WFDC1: variants seen among roughly 807,000 people sequenced by gnomAD.
WFDC1 encodes the protein WAP four-disulfide core domain 1.
WFDC1 carries 39 observed loss-of-function variants against 32.9 expected under a neutral mutation model. The observed-to-expected ratio is 1.19, with a 90% CI of 0.92 to 1.55. WFDC1 has a LOEUF of 1.55. WFDC1 is among the 40% of genes most tolerant of loss of function. The pLI is 0.00. For missense variants in WFDC1, 386 were observed against 309.5 expected, an observed-to-expected ratio of 1.25 and a Z score of -1.85; for synonymous variants, 184 against 137.4, an observed-to-expected ratio of 1.34 and a Z score of -2.37.
chr16:84,306,957 A>T (rs1303262796), intron 1 of WFDC1, among the ~76,000 whole-genome samples: 1 of 152,142 alleles, frequency 6.6e-6, no homozygotes, highest in South Asian at 2.1e-4. Context: ...AAGGGTGATG[A>T]GGTGTGTGAA....
At chr16:84,297,244 G>A (rs1186887255) in intron 1 of WFDC1, among the ~76,000 whole-genome samples, 1 of 152,112 alleles carries the variant, frequency 6.6e-6, no homozygotes, top group Admixed American at 6.6e-5. Context: ...TTGGCTCCTC[G>A]CTGAATTGAA....
intron 1 of WFDC1, among the ~76,000 whole-genome samples, chr16:84,304,417 CG>C (rs1397855071): frequency 6.6e-6 from 1 of 152,080 alleles, no homozygotes; most frequent in Non-Finnish European, 1.5e-5. Context: ...TTAGTAGAGA[CG>C]GGTTTCACCA....
intron 2 of WFDC1, 81 bp downstream of exon 2, chr16:84,313,234 C>A: frequency 7.8e-7 from 1 of 1,287,354 alleles, no homozygotes; most frequent in Non-Finnish European, 9.9e-7. Context: ...AAGAAAGGAG[C>A]TGGGCTTAAA....
rs896309579 is a variant in WFDC1, at chr16:84,313,149, G to A, written c.333G>A (p.Pro111=). 7.0e-7 allele frequency: 1 copy of A among 1,429,032 alleles called. No homozygotes were observed. 88.5% of individuals were successfully genotyped at this position (1,429,032 alleles called of 1,614,324 possible). ...AYACLEAVPP[P]PVLDWLVQPK... is the part of the protein sequence containing the mutation. ...CCTGCCTAGAAGCTGTGCCGCCCCC[G>A]CCAGGTAGGTCCTGGGCCCGAGGGA... is the stretch of plus-strand genomic sequence containing the variant. The change falls in exon 2 of 7, where the codon CCG becomes CCA. Residue 111 remains proline (P), a synonymous_variant. Coordinates refer to ENST00000219454, the MANE Select transcript of WFDC1 (RefSeq NM_021197.4).
chr16:84,304,488 A>G (rs1023424151), intron 1 of WFDC1, among the ~76,000 whole-genome samples: 2 of 152,128 alleles, frequency 1.3e-5, no homozygotes, highest in Non-Finnish European at 2.9e-5. Flanking sequence ...TTGGCCTCCC[A>G]AAGTGCTGGG....
At chr16:84,306,478 G>A (rs1356530937) in intron 1 of WFDC1, among the ~76,000 whole-genome samples, 1 of 152,216 alleles carries the variant, frequency 6.6e-6, no homozygotes, top group Non-Finnish European at 1.5e-5. Flanking sequence ...GAGGATGGCC[G>A]AGTCCAGCTT....
In WFDC1 at chr16:84,324,566, C is replaced by T. The variant is rs529823690; in HGVS notation, c.604+106C>T. Reference sequence around the variant, plus strand: ...AAGCCCAGGGCTGAGATATAGGGAACAAAATGGGACCTGGGATTAAGAAAC... The same window carrying T: ...AAGCCCAGGGCTGAGATATAGGGAATAAAATGGGACCTGGGATTAAGAAAC... On this transcript the variant is annotated intron_variant, in intron 5 of 6. Transcript: ENST00000219454. 7 of 1,271,468 alleles carry T rather than the reference C, an allele frequency of 5.5e-6. No homozygotes were observed. In the Admixed American group the frequency reaches 1.3e-4, roughly 25 times the overall value. The allele number at this position is 1,271,468 out of a possible 1,614,324, so 78.8% of individuals were successfully genotyped here. A position where few individuals can be genotyped will look rare whatever the true frequency, so the allele number is the denominator to read the frequency against.
At chr16:84,318,095 C>A in intron 2 of WFDC1, 177 bp from the exon 3 acceptor site, 1 of 602,414 alleles carries the variant, frequency 1.7e-6, no homozygotes, top group South Asian at 1.8e-5. Context: ...CAGTGCCCAG[C>A]CCACAGTGAA....
chr16:84,320,284 C>T (rs1481706537), intron 4 of WFDC1, among the ~76,000 whole-genome samples: 1 of 152,200 alleles, frequency 6.6e-6, no homozygotes, highest in African/African-American at 2.4e-5. Context: ...TAACTGTGTT[C>T]AGTGCATTTT....
intron 2 of WFDC1, chr16:84,316,443 A>G (rs957878308): frequency 2.0e-5 from 3 of 152,198 alleles, no homozygotes; most frequent in Non-Finnish European, 4.4e-5. Flanking sequence ...GTGATCCCAG[A>G]ACAGTTTTGA....
intron 1 of WFDC1, among the ~76,000 whole-genome samples, chr16:84,312,457 T>C (rs575200660): frequency 6.6e-6 from 1 of 152,176 alleles, no homozygotes; most frequent in South Asian, 2.1e-4. Flanking sequence ...TTTTCTGAGA[T>C]GTAGCGATGT....
intron 1 of WFDC1, among the ~76,000 whole-genome samples, chr16:84,302,531 T>G (rs1005312102): frequency 1.3e-5 from 2 of 151,984 alleles, no homozygotes; most frequent in African/African-American, 4.8e-5. Flanking sequence ...CTCCGGCTCG[T>G]GGGTCATCGT....
At chr16:84,297,636 A>C (rs901688521) in intron 1 of WFDC1, among the ~76,000 whole-genome samples, 10 of 148,894 alleles carry the variant, frequency 6.7e-5, no homozygotes, top group East Asian at 3.9e-4. Context: ...AAAAAAAAAA[A>C]AAAAAAAAAA....
intron 1 of WFDC1, among the ~76,000 whole-genome samples, chr16:84,298,475 A>G (rs1403907953): frequency 6.6e-6 from 1 of 152,170 alleles, no homozygotes; most frequent in East Asian, 1.9e-4. Context: ...CTGGGGTTTT[A>G]TGTCTTTTGC....
chr16:84,301,655 G>A (rs1296167747), intron 1 of WFDC1, among the ~76,000 whole-genome samples: 1 of 152,194 alleles, frequency 6.6e-6, no homozygotes, highest in Non-Finnish European at 1.5e-5. Flanking sequence ...GTGCTGGAGA[G>A]AGGGGATATG....
Position 84,312,985 on chromosome 16 carries a change from G to T in WFDC1, c.169G>T (p.Gly57Cys). The change falls in exon 2 of 7, where the codon GGC becomes TGC. Residue 57 changes from glycine (G) to cysteine (C), a missense_variant. Coordinates refer to ENST00000219454, the MANE Select transcript of WFDC1 (RefSeq NM_021197.4). Reference protein sequence around the residue: ...SRAEEAGAPGGPRQPRADRCP... With the variant: ...SRAEEAGAPGCPRQPRADRCP... ...GGCCGAGGAGGCGGGCGCGCCCGGC[G>T]GCCCCCGGCAGCCCCGAGCAGACCG... 1 of 1,185,650 alleles carries T rather than the reference G, an allele frequency of 8.4e-7. No homozygotes were observed. The highest frequency in any genetic ancestry group is 4.2e-5 in the South Asian group (1 of 23,954). The allele number at this position is 1,185,650 out of a possible 1,614,324, so 73.4% of individuals were successfully genotyped here. A position where few individuals can be genotyped will look rare whatever the true frequency, so the allele number is the denominator to read the frequency against.
chr16:84,326,471 C>T lies in WFDC1; in HGVS notation c.605-411C>T, dbSNP rs1365532985. 5 of 178,712 alleles carry T rather than the reference C, an allele frequency of 2.8e-5. No homozygotes were observed. In the South Asian group the frequency reaches 7.3e-4, roughly 26 times the overall value. The allele number at this position is 178,712 out of a possible 1,614,324, so 11.1% of individuals were successfully genotyped here. On this transcript the variant is annotated intron_variant, in intron 5 of 6. Transcript: ENST00000219454. ...TGAGAATAGTGACAAGCCTTCCTGA[C>T]ATCACATGCTGGATACTATGAGGAC...
At chr16:84,308,658 C>G (rs939009982) in intron 1 of WFDC1, among the ~76,000 whole-genome samples, 33 of 151,934 alleles carry the variant, frequency 2.2e-4, no homozygotes, top group Non-Finnish European at 4.3e-4. Flanking sequence ...TACACTCCAT[C>G]CTGAGTGTAG....
chr16:84,308,124 A>AG (rs1449107274), intron 1 of WFDC1, among the ~76,000 whole-genome samples: 2 of 152,200 alleles, frequency 1.3e-5, no homozygotes, highest in African/African-American at 2.4e-5. Context: ...GATGGGGGCC[A>AG]GGGGCCCCCC....
Sources: gnomAD v4.1 joint callset for allele counts (sites outside exome capture counted in the v4.1 genomes callset) on GRCh38, gnomAD v4.1.1 for gene constraint, MANE v1.5 for transcripts, NCBI Gene and HGNC (gene_info 2026-07-23, HGNC 2026-07-21) for gene names.